The following BNC2 variants were observed in gnomAD, a reference collection of about 807,000 sequenced individuals.
BNC2 encodes basonuclin zinc finger protein 2.
BNC2 carries 20 observed loss-of-function variants against 76.3 expected under a neutral mutation model. The observed-to-expected ratio is 0.26, with a 90% CI of 0.18 to 0.38. BNC2 has a LOEUF of 0.38. Ranked by LOEUF, BNC2 falls within the 10% of genes least tolerant of loss-of-function variation. The pLI is 1.00. For missense variants in BNC2, 1,382 were observed against 1,399.8 expected, an observed-to-expected ratio of 0.99 and a Z score of 0.20; for synonymous variants, 582 against 514.8, an observed-to-expected ratio of 1.13 and a Z score of -1.77.
At chr9:16,719,488 A>G (rs1051069211) in intron 3 of BNC2, among the ~76,000 whole-genome samples, 1 of 152,204 alleles carries the variant, frequency 6.6e-6, no homozygotes, top group Admixed American at 6.5e-5. Context: ...CACCCAGTTC[A>G]GGTACTCCGA....
chr9:16,436,336 T>C lies in BNC2; in HGVS notation c.1858A>G (p.Thr620Ala). Reference protein sequence around the residue: ...EPVVPAVMMATHEPSADLAPK... With the variant: ...EPVVPAVMMAAHEPSADLAPK... ...GCCAGGTCAGCACTGGGCTCATGGG[T>C]GGCCATCATCACTGCTGGCACTACT... The change falls in exon 6 of 7, where the codon ACC (threonine) becomes GCC (alanine). Residue 620 changes from threonine (T) to alanine (A), a missense_variant. By Grantham distance (58) the Thr-to-Ala change is moderately conservative. Around this residue, in one of 3 missense-constraint regions of BNC2, gnomAD observed 798 missense variants for 775.5 expected, o/e 1.03. Transcript: ENST00000380672. 6.2e-7 allele frequency: 1 copy of C among 1,614,108 alleles called. No homozygotes were observed. Among genetic ancestry groups the C allele is most frequent in the Non-Finnish European group, 8.5e-7 (1 of 1,180,024 alleles).
At chr9:16,673,767 A>G (rs1169290094) in intron 3 of BNC2, among the ~76,000 whole-genome samples, 2 of 152,232 alleles carry the variant, frequency 1.3e-5, no homozygotes, top group African/African-American at 2.4e-5. Flanking sequence ...GCTTTAATTT[A>G]CACAGCCAGA....
At chr9:16,662,730 T>C (rs908729325) in intron 3 of BNC2, among the ~76,000 whole-genome samples, 2 of 151,476 alleles carry the variant, frequency 1.3e-5, no homozygotes, top group Non-Finnish European at 2.9e-5. Flanking sequence ...AGTGAGACTG[T>C]CTCAAAAAAT....
intron 3 of BNC2, among the ~76,000 whole-genome samples, chr9:16,725,931 G>C (rs538944579): frequency 4.6e-5 from 7 of 151,180 alleles, no homozygotes; most frequent in Non-Finnish European, 1.0e-4. Flanking sequence ...ATCTCTATCT[G>C]GTTTTATTAA....
intron 3 of BNC2, among the ~76,000 whole-genome samples, chr9:16,602,754 C>A (rs1820278028): frequency 6.6e-6 from 1 of 152,166 alleles, no homozygotes; most frequent in Admixed American, 6.5e-5. Context: ...GACTTTTCAG[C>A]CACTTCCTCC....
chr9:16,868,853 CACT>C (rs1287227271), intron 1 of BNC2, among the ~76,000 whole-genome samples: 1 of 151,908 alleles, frequency 6.6e-6, no homozygotes, highest in Non-Finnish European at 1.5e-5. Context: ...TACAAGGTCT[CACT>C]ACTAGGGTAC....
intron 6 of BNC2, among the ~76,000 whole-genome samples, chr9:16,427,589 T>G (rs2119270694): frequency 6.6e-6 from 1 of 152,350 alleles, no homozygotes; most frequent in Non-Finnish European, 1.5e-5. Flanking sequence ...TAATCAAAAT[T>G]TAGAAACTAA....
chr9:16,866,660 T>G (rs1400386670), intron 1 of BNC2, among the ~76,000 whole-genome samples: 1 of 70,344 alleles, frequency 1.4e-5, no homozygotes, highest in Non-Finnish European at 2.4e-5. Context: ...CTTCTGTCAC[T>G]TTTAAAAAAA....
At chr9:16,447,282 A>G (rs1821249519) in intron 5 of BNC2, among the ~76,000 whole-genome samples, 1 of 152,130 alleles carries the variant, frequency 6.6e-6, no homozygotes, top group African/African-American at 2.4e-5. Context: ...TGATTAGGCT[A>G]AATATAACAT....
intron 3 of BNC2, among the ~76,000 whole-genome samples, chr9:16,619,012 A>C (rs747959323): frequency 1.3e-5 from 2 of 152,230 alleles, no homozygotes; most frequent in Non-Finnish European, 2.9e-5. Context: ...AATTCAAAGC[A>C]TTCTTTATTG....
intron 5 of BNC2, among the ~76,000 whole-genome samples, chr9:16,543,016 C>G (rs559135918): frequency 6.6e-6 from 1 of 152,234 alleles, no homozygotes; most frequent in Admixed American, 6.5e-5. Context: ...TACAAGTCCC[C>G]CTCATCTTCC....
At chr9:16,584,843 A>T (rs1025705883) in intron 3 of BNC2, among the ~76,000 whole-genome samples, 1 of 152,192 alleles carries the variant, frequency 6.6e-6, no homozygotes, top group Non-Finnish European at 1.5e-5. Flanking sequence ...CTTAGAGGAC[A>T]GCATTTCCAC....
At chr9:16,592,513 TGG>T (rs1311284551) in intron 3 of BNC2, among the ~76,000 whole-genome samples, 2 of 152,156 alleles carry the variant, frequency 1.3e-5, no homozygotes, top group Non-Finnish European at 2.9e-5. Flanking sequence ...AGTAGATTAG[TGG>T]CTGCCTTGTG....
At chr9:16,608,451 A>AC (rs533702242) in intron 3 of BNC2, among the ~76,000 whole-genome samples, 171 of 152,222 alleles carry the variant, frequency 1.1e-3, no homozygotes, top group South Asian at 5.6e-3. Context: ...AGAAAAAAAA[A>AC]GTTTATTATG....
At chr9:16,685,535 A>C in intron 3 of BNC2, 1 of 1,302,482 alleles carries the variant, frequency 7.7e-7, no homozygotes, top group Non-Finnish European at 1.0e-6. Flanking sequence ...AAAACAGTTA[A>C]GACTCTAACC....
chr9:16,440,380 T>C (rs988243295), intron 5 of BNC2, among the ~76,000 whole-genome samples: 4 of 152,200 alleles, frequency 2.6e-5, no homozygotes, highest in African/African-American at 9.6e-5. Flanking sequence ...TGCTATAATG[T>C]CCTCTTCTAT....
chr9:16,590,197 A>T lies in BNC2; in HGVS notation c.331-7112T>A, dbSNP rs143272649. ...GAGGGAAAAGAAGAAATTTTTTTTT[A>T]ATTTTTCTTTTTGAGACAGAGTTTT... On this transcript the variant is annotated intron_variant, in intron 3 of 6. Transcript: ENST00000380672. Among the ~76,000 whole-genome samples the T allele has an allele frequency of 3.2e-3, 490 of 152,104 alleles. 4 individuals are homozygous for T. The highest frequency in any genetic ancestry group is 0.011 in the African/African-American group (456 of 41,544).
At chr9:16,513,604 G>A (rs1014956851) in intron 5 of BNC2, among the ~76,000 whole-genome samples, 6 of 152,104 alleles carry the variant, frequency 3.9e-5, no homozygotes, top group Admixed American at 6.5e-5. Context: ...GCGCCAGGCC[G>A]AAAAGGTTCT....
At chr9:16,796,780 T>G (rs1334643532) in intron 1 of BNC2, among the ~76,000 whole-genome samples, 1 of 152,146 alleles carries the variant, frequency 6.6e-6, no homozygotes, top group Non-Finnish European at 1.5e-5. Context: ...ATGGGAAACA[T>G]TATCTATAAA....
Sources: gnomAD v4.1 joint callset for allele counts (sites outside exome capture counted in the v4.1 genomes callset) on GRCh38, gnomAD v4.1.1 for gene constraint, gnomAD v4.1.1 regional missense constraint, MANE v1.5 for transcripts, NCBI Gene and HGNC (gene_info 2026-07-23, HGNC 2026-07-21) for gene names.